CENPC: variants seen among roughly 807,000 people sequenced by gnomAD.
The protein encoded by CENPC is CENP-C 1.
CENPC carries 63 observed loss-of-function variants against 112.1 expected under a neutral mutation model. The observed-to-expected ratio is 0.56, with a 90% CI of 0.46 to 0.69. The LOEUF is 0.69. Ranked by LOEUF, CENPC falls within the 30% of genes least tolerant of loss-of-function variation. The probability of loss-of-function intolerance (pLI) is 0.00; values close to 1 mark genes in which losing one functional copy is unlikely to be tolerated. For synonymous variants in CENPC, 333 were observed against 367.6 expected, an observed-to-expected ratio of 0.91 and a Z score of 1.08; for missense variants, 1,000 against 1,103.8, an observed-to-expected ratio of 0.91 and a Z score of 1.33.
At chr4:67,515,784 T>C (rs1386873106) in intron 7 of CENPC, among the ~76,000 whole-genome samples, 2 of 151,878 alleles carry the variant, frequency 1.3e-5, no homozygotes, top group African/African-American at 2.4e-5. Flanking sequence ...TCTAGAAAGG[T>C]AGCATAAGCA....
At chr4:67,511,062 G>A (rs1255349231) in intron 9 of CENPC, 2 of 455,986 alleles carry the variant, frequency 4.4e-6, no homozygotes, top group Non-Finnish European at 8.8e-6. Context: ...AGCAGTAACA[G>A]TATTATTTAA....
intron 4 of CENPC, among the ~76,000 whole-genome samples, chr4:67,538,222 C>T (rs894102339): frequency 2.6e-5 from 4 of 152,144 alleles, no homozygotes; most frequent in African/African-American, 9.7e-5. Flanking sequence ...TGAATTCCCT[C>T]TAACACTATT....
rs1001392599 is a variant in CENPC at position 67,545,426 on chromosome 4, G to A, written c.-71C>T. On this transcript the variant is annotated 5_prime_UTR_variant, in exon 1 of 19. Transcript: ENST00000273853. ...ACACGGACCACAGCTCCAGGAAGCC[G>A]AGCAAGAAACGAATCGCCGGAATAC... 9.9e-6 allele frequency: 14 copies of A among 1,418,160 alleles called. No homozygotes were observed. The highest frequency in any genetic ancestry group is 4.4e-5 in the African/African-American group (3 of 67,666). 87.8% of individuals were successfully genotyped at this position (1,418,160 alleles called of 1,614,324 possible).
At chr4:67,506,960 G>A in intron 10 of CENPC, 26 bp from the exon 11 acceptor site, 1 of 1,543,538 alleles carries the variant, frequency 6.5e-7, no homozygotes, top group South Asian at 1.2e-5. Flanking sequence ...ATGTATGAGT[G>A]TTTATACTTC....
chr4:67,539,972 A>G (rs1726841923), intron 3 of CENPC, 38 bp from the exon 4 acceptor site: 1 of 1,074,628 alleles, frequency 9.3e-7, no homozygotes, highest in Non-Finnish European at 1.3e-6. Context: ...AACAAGATAT[A>G]GTGTAATATC....
chr4:67,540,894 T>A (rs1452024681), intron 3 of CENPC, 86 bp downstream of exon 3: 2 of 927,524 alleles, frequency 2.2e-6, no homozygotes, highest in Non-Finnish European at 3.4e-6. Flanking sequence ...CTAGAACATA[T>A]TTGCTGCATT....
intron 8 of CENPC, 126 bp downstream of exon 8, chr4:67,513,948 A>G (rs1399276185): frequency 4.9e-6 from 4 of 811,726 alleles, no homozygotes; most frequent in Non-Finnish European, 7.2e-6. Context: ...AAAAGAACCT[A>G]TAGGCTTTTC....
chr4:67,481,759 G>C (rs1415583595), intron 17 of CENPC, among the ~76,000 whole-genome samples: 1 of 152,090 alleles, frequency 6.6e-6, no homozygotes, highest in East Asian at 1.9e-4. Context: ...AACTCAAGAT[G>C]GATCAAAGAC....
chr4:67,486,257 G>A (rs1478725554), intron 17 of CENPC, among the ~76,000 whole-genome samples: 1 of 152,160 alleles, frequency 6.6e-6, no homozygotes, highest in Non-Finnish European at 1.5e-5. Context: ...CCAAGCCAGA[G>A]TCTACTATCC....
chr4:67,512,301 T>C, intron 9 of CENPC, 101 bp downstream of exon 9: 1 of 811,624 alleles, frequency 1.2e-6, no homozygotes, highest in South Asian at 1.8e-5. Context: ...TTTAACTTGG[T>C]CCTCATGATA....
At chr4:67,532,584 C>T (rs1157433037) in intron 4 of CENPC, among the ~76,000 whole-genome samples, 1 of 152,170 alleles carries the variant, frequency 6.6e-6, no homozygotes, top group Non-Finnish European at 1.5e-5. Flanking sequence ...AGGATGAGTT[C>T]ATGTCCTTTA....
At chr4:67,478,455 T>G (rs982099182) in intron 17 of CENPC, among the ~76,000 whole-genome samples, 2 of 152,110 alleles carry the variant, frequency 1.3e-5, no homozygotes, top group Admixed American at 6.6e-5. Flanking sequence ...AAAACTAAGC[T>G]TCATAAATGA....
At chr4:67,490,656 G>T (rs1021620321) in intron 16 of CENPC, among the ~76,000 whole-genome samples, 1 of 151,236 alleles carries the variant, frequency 6.6e-6, no homozygotes, top group African/African-American at 2.4e-5. Flanking sequence ...GGTAAAGTTT[G>T]TGAGAAAGCA....
intron 1 of CENPC, among the ~76,000 whole-genome samples, chr4:67,544,413 C>T (rs933427330): frequency 6.6e-6 from 1 of 152,112 alleles, no homozygotes; most frequent in African/African-American, 2.4e-5. Flanking sequence ...GCTTCTCTCC[C>T]CACAGTGAGA....
chr4:67,517,587 C>A (rs1726095354), intron 7 of CENPC, among the ~76,000 whole-genome samples: 1 of 149,878 alleles, frequency 6.7e-6, no homozygotes, highest in East Asian at 2.0e-4. Flanking sequence ...CTTGTAATCC[C>A]AGCACTTTGG....
At chr4:67,493,152 T>C (rs1560424329) in intron 14 of CENPC, among the ~76,000 whole-genome samples, 155 bp from the exon 15 acceptor site, 1 of 152,086 alleles carries the variant, frequency 6.6e-6, no homozygotes, top group African/African-American at 2.4e-5. Flanking sequence ...ACCAATTTCA[T>C]TATATCTCTA....
At position 67,493,962 on chromosome 4, in the gene CENPC, G is replaced by A. The variant is rs1020655362; in HGVS notation, c.2212C>T (p.Arg738Cys). The A allele has an allele frequency of 7.4e-6, 12 of 1,611,564 alleles. No individual in the cohort carries two copies. The highest frequency in any genetic ancestry group is 6.7e-5 in the Admixed American group (4 of 59,740). The change falls in exon 14 of 19, where the codon CGC becomes TGC. Residue 738 changes from arginine to cysteine, a missense_variant. By Grantham distance (180) the Arg-to-Cys change is radical (BLOSUM62 -3). Transcript: ENST00000273853. The stretch of plus-strand genomic sequence containing the variant: ...TTCAAACGTGTTCTCTTGGTCCTGC[G>A]AACATTTGGTGTGTTGGAGGGCAAT... ...LVLPSNTPNV[R>C]RTKRTRLKPL...
intron 10 of CENPC, 23 bp downstream of exon 10, chr4:67,508,791 A>T: frequency 6.2e-7 from 1 of 1,601,670 alleles, no homozygotes; most frequent in Non-Finnish European, 8.5e-7. Flanking sequence ...AAGTAACTAT[A>T]TTGTACACAT....
chr4:67,529,539 T>G (rs1726484393), intron 5 of CENPC, among the ~76,000 whole-genome samples: 1 of 152,106 alleles, frequency 6.6e-6, no homozygotes, highest in Non-Finnish European at 1.5e-5. Flanking sequence ...TTGGCCATGC[T>G]GGTCTCAAAC....
Sources: allele counts gnomAD v4.1 joint callset (sites outside exome capture counted in the v4.1 genomes callset), GRCh38; gene constraint gnomAD v4.1.1; transcripts MANE v1.5; gene names NCBI Gene and HGNC (gene_info 2026-07-23, HGNC 2026-07-21).